The following GPR141 variants were observed in gnomAD, a reference collection of about 807,000 sequenced individuals.
The protein encoded by GPR141 is G protein-coupled receptor 141.
A neutral mutation model predicts 6.8 loss-of-function variants in GPR141; 6 were observed. The ratio of observed to expected loss-of-function variants is 0.88; its 90% CI spans 0.48 to 1.74. The LOEUF is 1.74. Among genes scored for constraint, GPR141 ranks in the 40% most tolerant of loss-of-function variants. The probability of loss-of-function intolerance (pLI) is 0.01; values close to 1 mark genes in which losing one functional copy is unlikely to be tolerated. For synonymous variants in GPR141, 140 were observed against 142.3 expected (o/e 0.98, Z 0.11); for missense variants, 372 against 372.9 (o/e 1.00, Z 0.02).
intron 2 of GPR141, among the ~76,000 whole-genome samples, chr7:37,732,063 T>C (rs542353584): frequency 2.7e-5 from 4 of 147,124 alleles, no homozygotes; most frequent in Non-Finnish European, 3.0e-5. Context: ...ATTTTATTTT[T>C]TTATTATACT....
At chr7:37,733,416 A>C (rs1310788788) in intron 2 of GPR141, among the ~76,000 whole-genome samples, 1 of 152,160 alleles carries the variant, frequency 6.6e-6, no homozygotes, top group Non-Finnish European at 1.5e-5. Flanking sequence ...TCACGCTTGT[A>C]ATCCCAGCAC....
At chr7:37,704,965 C>T (rs1810460376) in intron 2 of GPR141, among the ~76,000 whole-genome samples, 1 of 152,158 alleles carries the variant, frequency 6.6e-6, no homozygotes. Context: ...GACTCTGCCT[C>T]AAATTCCACA....
chr7:37,721,836 C>T lies in GPR141; in HGVS notation c.-14-18544C>T, dbSNP rs868116796. Among the ~76,000 whole-genome samples the T allele has an allele frequency of 1.5e-4, 23 of 152,304 alleles. No homozygotes were observed. In the Middle Eastern group the frequency reaches 0.017, roughly 113 times the overall value. The stretch of plus-strand genomic sequence containing the variant: ...AGGCCTGAAAGTATGGTGTCTGTCT[C>T]AGGGGGCAATGGGTTACTTGAAGGA... On this transcript the variant is annotated intron_variant, in intron 2 of 2. Coordinates refer to ENST00000334425, the MANE Select transcript of GPR141 (RefSeq NM_001381946.1).
intron 2 of GPR141, among the ~76,000 whole-genome samples, chr7:37,717,261 CA>C (rs1298696038): frequency 1.3e-5 from 2 of 152,162 alleles, no homozygotes; most frequent in Admixed American, 6.6e-5. Flanking sequence ...TTCAAAGCTA[CA>C]AAAGGAAAGC....
In GPR141 at chr7:37,740,953, T is replaced by C. The variant is rs1159593782; in HGVS notation, c.560T>C (p.Ile187Thr). 2.5e-6 allele frequency: 4 copies of C among 1,614,024 alleles called. No homozygotes were observed. Among genetic ancestry groups the C allele is most frequent in the Non-Finnish European group, 3.4e-6 (4 of 1,179,876 alleles). ...AAAATCATCAACTATATGATAGTCA[T>C]TTTTGTCATAGCCGTTGCTGTGATT... The part of the protein sequence containing the change: ...YVKIINYMIV[I>T]FVIAVAVILL... Residue 187 changes from isoleucine to threonine, a missense_variant, in exon 3 of 3, where the codon ATT becomes ACT. Transcript: ENST00000334425.
chr7:37,685,734 C>T (rs1809476534), intron 2 of GPR141, among the ~76,000 whole-genome samples, 151 bp downstream of exon 2: 1 of 149,894 alleles, frequency 6.7e-6, no homozygotes, highest in South Asian at 2.1e-4. Context: ...CAAACATGAG[C>T]CACTGTGCCT....
chr7:37,725,781 A>G (rs963894635), intron 2 of GPR141, among the ~76,000 whole-genome samples: 1 of 151,824 alleles, frequency 6.6e-6, no homozygotes, highest in African/African-American at 2.4e-5. Flanking sequence ...GTGTGATTTC[A>G]GATGTCTGGA....
chr7:37,733,424 C>A (rs1812070963), intron 2 of GPR141, among the ~76,000 whole-genome samples: 1 of 152,036 alleles, frequency 6.6e-6, no homozygotes, highest in Admixed American at 6.6e-5. Context: ...GTAATCCCAG[C>A]ACTTTGGGAG....
intron 2 of GPR141, among the ~76,000 whole-genome samples, chr7:37,735,079 C>A (rs1007358302): frequency 6.6e-6 from 1 of 152,072 alleles, no homozygotes; most frequent in Non-Finnish European, 1.5e-5. Flanking sequence ...TTAAAAATTG[C>A]GTTAGCTTCT....
Position 37,708,415 on chromosome 7 carries a change from C to T in GPR141, c.-15+22832C>T, listed in dbSNP as rs540632344. Reference sequence around the variant, plus strand: ...GAATTTATTTTTTGTACTAGGAAGACACATTTCTTCCTCTATGCTTTAGAA... The same window carrying T: ...GAATTTATTTTTTGTACTAGGAAGATACATTTCTTCCTCTATGCTTTAGAA... On this transcript the variant is annotated intron_variant, in intron 2 of 2. Transcript: ENST00000334425. Among the ~76,000 whole-genome samples, 106 of 147,506 alleles carry T rather than the reference C, an allele frequency of 7.2e-4. 1 individual carries two copies. The highest frequency in any genetic ancestry group is 2.6e-3 in the African/African-American group (104 of 39,830).
intron 2 of GPR141, among the ~76,000 whole-genome samples, chr7:37,720,174 G>A (rs1170891823): frequency 6.6e-6 from 1 of 152,092 alleles, no homozygotes; most frequent in Non-Finnish European, 1.5e-5. Flanking sequence ...CCAGGAGTTG[G>A]GCAGAAGGCA....
chr7:37,713,986 T>C (rs1810929188), intron 2 of GPR141, among the ~76,000 whole-genome samples: 1 of 152,192 alleles, frequency 6.6e-6, no homozygotes, highest in African/African-American at 2.4e-5. Flanking sequence ...ATTCACATAG[T>C]TTGGTTTGGC....
In GPR141 at chr7:37,711,623, C is replaced by T. The variant is rs571485992; in HGVS notation, c.-15+26040C>T. Among the ~76,000 whole-genome samples, 11 of 152,302 alleles carry T rather than the reference C, an allele frequency of 7.2e-5. No individual in the cohort carries two copies. The East Asian group carries it at 7.7e-4, about 11-fold the overall frequency. On this transcript the variant is annotated intron_variant, in intron 2 of 2. Coordinates refer to ENST00000334425, the MANE Select transcript of GPR141 (RefSeq NM_001381946.1). ...TTAAGAAAGATTCTCCCTCTCCAGA[C>T]GAATTTAAGCCACTGATCTCAATGT... is the stretch of plus-strand genomic sequence containing the variant.
At chr7:37,693,471 G>A (rs1432904746) in intron 2 of GPR141, among the ~76,000 whole-genome samples, 2 of 152,144 alleles carry the variant, frequency 1.3e-5, no homozygotes, top group Non-Finnish European at 1.5e-5. Flanking sequence ...GCTTAGGATT[G>A]TCTTGGTTAT....
At chr7:37,710,821 T>C (rs1810762358) in intron 2 of GPR141, among the ~76,000 whole-genome samples, 1 of 152,204 alleles carries the variant, frequency 6.6e-6, no homozygotes, top group Non-Finnish European at 1.5e-5. Context: ...TATTTACTTA[T>C]TTATATAACA....
In GPR141 at chr7:37,740,559, A is replaced by T; in HGVS notation, c.166A>T (p.Ile56Phe). Residue 56 changes from isoleucine (I) to phenylalanine (F), a missense_variant, in exon 3 of 3, where the codon ATT becomes TTT. Transcript: ENST00000334425. Reference sequence around the variant, plus strand: ...CCGGTCAGTGACCACCATGGCGGTCATTAACTTGGTGGTGGTCCACAGCGT... The same window carrying T: ...CCGGTCAGTGACCACCATGGCGGTCTTTAACTTGGTGGTGGTCCACAGCGT... ...NTRSVTTMAVINLVVVHSVFL... is the reference protein window; with the variant it reads ...NTRSVTTMAVFNLVVVHSVFL... 6.2e-7 allele frequency: 1 copy of T among 1,614,102 alleles called. No individual in the cohort carries two copies. Among genetic ancestry groups the T allele is most frequent in the Non-Finnish European group, 8.5e-7 (1 of 1,179,992 alleles).
Position 37,712,920 on chromosome 7 carries a change from T to C in GPR141, c.-15+27337T>C, listed in dbSNP as rs181849647. ...CTGACTCTAGCTGGGCTGTCCTGGA[T>C]GATTTCACTTGCTTCATGTGTCTTC... On this transcript the variant is annotated intron_variant, in intron 2 of 2. Coordinates refer to ENST00000334425, the MANE Select transcript of GPR141 (RefSeq NM_001381946.1). Among the ~76,000 whole-genome samples, 708 of 152,322 alleles carry C rather than the reference T, an allele frequency of 4.6e-3. 26 individuals are homozygous for C. The highest frequency in any genetic ancestry group is 0.042 in the Admixed American group (650 of 15,302).
rs775048159 is a variant in GPR141 at position 37,740,659 on chromosome 7, A to G, written c.266A>G (p.Lys89Arg). The change falls in exon 3 of 3, where the codon AAA (lysine) becomes AGA (arginine). Residue 89 changes from lysine to arginine, a missense_variant. By Grantham distance (26) the Lys-to-Arg change is conservative. Transcript: ENST00000334425. Reference sequence around the variant, plus strand: ...TGGATGTTTGGGCTGCCCTTCTGCAAATTTGTGAGTGCCATGCTGCACATC... The same window carrying G: ...TGGATGTTTGGGCTGCCCTTCTGCAGATTTGTGAGTGCCATGCTGCACATC... ...KTWMFGLPFCKFVSAMLHIHM... is the reference protein window; with the variant it reads ...KTWMFGLPFCRFVSAMLHIHM... 16 of 1,613,960 alleles carry G rather than the reference A, an allele frequency of 9.9e-6. No homozygotes were observed. The African/African-American group carries it at 1.6e-4, about 16-fold the overall frequency.
At chr7:37,730,946 T>C (rs1487735240) in intron 2 of GPR141, among the ~76,000 whole-genome samples, 1 of 152,240 alleles carries the variant, frequency 6.6e-6, no homozygotes, top group East Asian at 1.9e-4. Context: ...CTTCATTCTT[T>C]GTGGGCATCC....
Sources: allele counts gnomAD v4.1 joint callset (sites outside exome capture counted in the v4.1 genomes callset), GRCh38; gene constraint gnomAD v4.1.1; transcripts MANE v1.5; gene names NCBI Gene and HGNC (gene_info 2026-07-23, HGNC 2026-07-21).